IQGAP1: variants seen among roughly 807,000 people sequenced by gnomAD.
IQGAP1 encodes the protein IQ motif containing GTPase activating protein 1, also known as ras GTPase-activating-like protein IQGAP1.
Under a neutral mutation model 215.6 loss-of-function variants are expected in IQGAP1, and 66 were observed. The observed-to-expected ratio is 0.31, with a 90% CI of 0.25 to 0.38. The LOEUF is 0.38. Among genes scored for constraint, IQGAP1 ranks in the 10% least tolerant of loss-of-function variants. The pLI, the probability that IQGAP1 is intolerant of heterozygous loss-of-function variation, is 1.00. For missense variants in IQGAP1, 1,712 were observed against 1,997.1 expected, an observed-to-expected ratio of 0.86 and a Z score of 2.72; for synonymous variants, 772 against 728.7, an observed-to-expected ratio of 1.06 and a Z score of -0.96.
In IQGAP1 at chr15:90,497,340, G is replaced by C; in HGVS notation, c.4860G>C (p.Gln1620His). 6.5e-7 allele frequency: 1 copy of C among 1,547,756 alleles called. No homozygotes were observed. Among genetic ancestry groups the C allele is most frequent in the Non-Finnish European group, 8.9e-7 (1 of 1,120,556 alleles). ...VQMETFMLHY[Q>H]DLLQLQYEGV... ...TGGAGACTTTTATGTTACATTATCA[G>C]GTGGGTATGCACCAGCAGGAACCAA... Residue 1620 changes from glutamine (Q) to histidine (H), a missense_variant and splice_region_variant, in exon 37 of 38, where the codon CAG becomes CAC. Gln to His is a conservative substitution (Grantham distance 24). Around this residue, in one of 2 missense-constraint regions of IQGAP1, gnomAD observed 691 missense variants for 923.0 expected, o/e 0.75. Coordinates refer to ENST00000268182, the MANE Select transcript of IQGAP1 (RefSeq NM_003870.4).
At chr15:90,459,276 A>G (rs1277634506) in intron 15 of IQGAP1, among the ~76,000 whole-genome samples, 1 of 152,250 alleles carries the variant, frequency 6.6e-6, no homozygotes, top group Non-Finnish European at 1.5e-5. Flanking sequence ...CCTAGACAGC[A>G]ACAGCATAAA....
chr15:90,449,982 C>T (rs1432878442), intron 11 of IQGAP1, among the ~76,000 whole-genome samples: 6 of 152,124 alleles, frequency 3.9e-5, no homozygotes, highest in Admixed American at 6.6e-5. Flanking sequence ...TGTCACCTAA[C>T]GCATTTATCT....
chr15:90,396,518 C>T (rs1160387009), intron 2 of IQGAP1, among the ~76,000 whole-genome samples: 4 of 152,058 alleles, frequency 2.6e-5, no homozygotes, highest in Non-Finnish European at 2.9e-5. Context: ...CATGTAGCTG[C>T]GTAATGGCAC....
chr15:90,412,704 G>C (rs561518969), intron 2 of IQGAP1, among the ~76,000 whole-genome samples: 2 of 152,330 alleles, frequency 1.3e-5, no homozygotes, highest in South Asian at 2.1e-4. Flanking sequence ...GCTCAGAAGT[G>C]TTAGTGGTTT....
intron 15 of IQGAP1, among the ~76,000 whole-genome samples, chr15:90,463,666 T>A (rs978545341): frequency 4.6e-5 from 7 of 152,150 alleles, no homozygotes; most frequent in Non-Finnish European, 7.3e-5. Flanking sequence ...TTTTAAGTGA[T>A]TTATTTGTTC....
chr15:90,461,990 A>G (rs1965768494), intron 15 of IQGAP1, among the ~76,000 whole-genome samples: 1 of 12,866 alleles, frequency 7.8e-5, no homozygotes. Context: ...ACACAAAAAA[A>G]AAAAAAAAAG....
chr15:90,460,641 G>A (rs538883179), intron 15 of IQGAP1, among the ~76,000 whole-genome samples: 1 of 152,212 alleles, frequency 6.6e-6, no homozygotes, highest in South Asian at 2.1e-4. Context: ...TTCTTACTGA[G>A]TTTCAGCTGT....
chr15:90,467,367 T>C, intron 17 of IQGAP1, 83 bp from the exon 18 acceptor site: 1 of 1,382,988 alleles, frequency 7.2e-7, no homozygotes, highest in Non-Finnish European at 9.8e-7. Flanking sequence ...ACTGTGAGAC[T>C]AACTAATAAT....
In IQGAP1 at chr15:90,447,831, C is replaced by A. The variant is rs559645404; in HGVS notation, c.914-742C>A. ...TCATTATCATTTTCAGATGAAGGAA[C>A]ATCTGGGTTTTCATTGTCATGTATT... On this transcript the variant is annotated intron_variant, in intron 9 of 37. Transcript: ENST00000268182. Among the ~76,000 whole-genome samples the A allele has an allele frequency of 2.2e-4, 34 of 152,092 alleles. 1 individual carries two copies. Among genetic ancestry groups the A allele is most frequent in the African/African-American group, 8.0e-4 (33 of 41,500 alleles).
intron 2 of IQGAP1, among the ~76,000 whole-genome samples, chr15:90,401,568 C>A (rs576539734): frequency 2.6e-5 from 4 of 152,318 alleles, no homozygotes; most frequent in Non-Finnish European, 5.9e-5. Flanking sequence ...ATGATTAGTA[C>A]CGTTTATTGC....
chr15:90,441,749 G>C, intron 8 of IQGAP1, 65 bp downstream of exon 8: 1 of 1,136,748 alleles, frequency 8.8e-7, no homozygotes, highest in Non-Finnish European at 1.3e-6. Flanking sequence ...TATGGCTCCA[G>C]TTTAAACATC....
rs1965940276 is a variant in IQGAP1 at position 90,473,887 on chromosome 15, T to C, written c.2434-9T>C. On this transcript the variant is annotated splice_polypyrimidine_tract_variant and intron_variant, in intron 20 of 37. Transcript: ENST00000268182. ...GACTCTTCTAATTTCCAGGATCCCT[T>C]TTCCACAGATTCAGTCCCTGGCAAG... The C allele has an allele frequency of 6.2e-7, 1 of 1,613,780 alleles. No homozygotes were observed. The highest frequency in any genetic ancestry group is 1.3e-5 in the African/African-American group (1 of 74,930).
chr15:90,473,573 C>G, intron 19 of IQGAP1, 142 bp from the exon 20 acceptor site: 1 of 626,174 alleles, frequency 1.6e-6, no homozygotes, highest in South Asian at 1.9e-5. Context: ...TGCCCTTGTT[C>G]CCCTGTCACT....
intron 2 of IQGAP1, among the ~76,000 whole-genome samples, chr15:90,406,688 T>G (rs1041634281): frequency 2.0e-5 from 3 of 152,338 alleles, no homozygotes; most frequent in East Asian, 3.9e-4. Flanking sequence ...GTCAGTGATG[T>G]GTCAGTGAAG....
rs142908156 is a variant in IQGAP1, at chr15:90,431,721, C to T, written c.391-1998C>T. ...CCAGAAGACTTCTGAGTAATAAGAA[C>T]TAATGATAACCTAAAAATGTATTGT... On this transcript the variant is annotated intron_variant, in intron 4 of 37. Coordinates refer to ENST00000268182, the MANE Select transcript of IQGAP1 (RefSeq NM_003870.4). Among the ~76,000 whole-genome samples, 236 of 152,264 alleles carry T rather than the reference C, an allele frequency of 1.5e-3. 1 individual carries two copies. The highest frequency in any genetic ancestry group is 5.0e-3 in the African/African-American group (209 of 41,560).
chr15:90,445,631 A>G (rs945015655), intron 9 of IQGAP1, among the ~76,000 whole-genome samples: 2 of 152,188 alleles, frequency 1.3e-5, no homozygotes, highest in Non-Finnish European at 2.9e-5. Context: ...ACTCACCAAA[A>G]AAACTAAAAG....
At chr15:90,462,745 A>T (rs28702574) in intron 15 of IQGAP1, among the ~76,000 whole-genome samples, 33,262 of 151,858 alleles carry the variant, frequency 0.22, 5,037 homozygotes, top group African/African-American at 0.43. Context: ...TTCTACCTCC[A>T]ATCATTGCCC....
intron 2 of IQGAP1, among the ~76,000 whole-genome samples, chr15:90,406,603 T>C (rs948596466): frequency 1.3e-5 from 2 of 152,264 alleles, no homozygotes; most frequent in Non-Finnish European, 2.9e-5. Flanking sequence ...CAAAAAGAGC[T>C]GCAGATTTTT....
At chr15:90,493,603 T>A (rs1828937032) in intron 35 of IQGAP1, among the ~76,000 whole-genome samples, 1 of 152,256 alleles carries the variant, frequency 6.6e-6, no homozygotes, top group African/African-American at 2.4e-5. Flanking sequence ...TAAGCACCCA[T>A]GTGCCCTTCA....
Sources: gnomAD v4.1 joint callset for allele counts (sites outside exome capture counted in the v4.1 genomes callset) on GRCh38, gnomAD v4.1.1 for gene constraint, gnomAD v4.1.1 regional missense constraint, MANE v1.5 for transcripts, NCBI Gene and HGNC (gene_info 2026-07-23, HGNC 2026-07-21) for gene names.